The following ZNF492 variants were observed in gnomAD, a reference collection of about 807,000 sequenced individuals.
ZNF492 encodes zinc finger protein 492.
A neutral mutation model predicts 6.4 loss-of-function variants in ZNF492; 3 were observed. The observed-to-expected ratio is 0.47, with a 90% CI of 0.21 to 1.22. The LOEUF is 1.22. Ranked by LOEUF, ZNF492 falls within the 50% of genes most tolerant of loss-of-function variation. The pLI is 0.22. For synonymous variants in ZNF492, 112 were observed against 205.3 expected (o/e 0.55, Z 3.89); for missense variants, 356 against 612.5 (o/e 0.58, Z 4.42).
intron 1 of ZNF492, among the ~76,000 whole-genome samples, chr19:22,649,041 G>T (rs1337153333): frequency 6.6e-6 from 1 of 151,976 alleles, no homozygotes; most frequent in Non-Finnish European, 1.5e-5. Context: ...TGGTCTTCAT[G>T]GTGTGTTTTT....
At chr19:22,651,968 GTTTC>G (rs1235644212) in intron 1 of ZNF492, among the ~76,000 whole-genome samples, 5 of 152,094 alleles carry the variant, frequency 3.3e-5, no homozygotes, top group Non-Finnish European at 7.3e-5. Context: ...TAAAACCAGT[GTTTC>G]TTTATGATTA....
chr19:22,638,239 G>A (rs1239676155), intron 1 of ZNF492, among the ~76,000 whole-genome samples: 2 of 152,018 alleles, frequency 1.3e-5, no homozygotes, highest in East Asian at 3.9e-4. Flanking sequence ...GTCAATTACT[G>A]CTTTTGTTGC....
chr19:22,637,923 A>G (rs1159195779), intron 1 of ZNF492, among the ~76,000 whole-genome samples: 2 of 152,158 alleles, frequency 1.3e-5, no homozygotes, highest in Non-Finnish European at 2.9e-5. Context: ...TTCTCACTGG[A>G]TGAGATGATA....
chr19:22,654,002 A>G lies in ZNF492; in HGVS notation c.117A>G (p.Val39=), dbSNP rs753630569. 22 of 1,601,676 alleles carry G rather than the reference A, an allele frequency of 1.4e-5. No individual in the cohort carries two copies. In the East Asian group the frequency reaches 4.7e-4, roughly 34 times the overall value. Reference sequence around the variant, plus strand: ...GGAATGTGAAGAGACATGAGATGGTAGCTGAACCCCCAGGTAGGTGAGAGT... The same window carrying G: ...GGAATGTGAAGAGACATGAGATGGTGGCTGAACCCCCAGGTAGGTGAGAGT... ...EPWNVKRHEM[V]AEPPVVCSYF... The change falls in exon 3 of 4, where the codon GTA becomes GTG. Residue 39 remains valine, a synonymous_variant. Coordinates refer to ENST00000456783, the MANE Select transcript of ZNF492 (RefSeq NM_020855.3).
At chr19:22,641,959 A>AGGT (rs1248666937) in intron 1 of ZNF492, among the ~76,000 whole-genome samples, 2 of 151,884 alleles carry the variant, frequency 1.3e-5, no homozygotes, top group Non-Finnish European at 2.9e-5. Context: ...ATGCCCGGCT[A>AGGT]ATTTTTTGTG....
chr19:22,664,655 G>T lies in ZNF492; in HGVS notation c.986G>T (p.Arg329Ile), dbSNP rs375301915. 5 of 1,611,964 alleles carry T rather than the reference G, an allele frequency of 3.1e-6. No homozygotes were observed. The highest frequency in any genetic ancestry group is 2.7e-5 in the African/African-American group (2 of 74,632). The change falls in exon 4 of 4, where the codon AGA becomes ATA. Residue 329 changes from arginine (R) to isoleucine (I), a missense_variant. Coordinates refer to ENST00000456783, the MANE Select transcript of ZNF492 (RefSeq NM_020855.3). ...TTATCCCACCTTACTACACATAAGAGAATTCATTCTGGAGAGAAACCCTAC... is the reference window on the plus strand; with the variant it reads ...TTATCCCACCTTACTACACATAAGATAATTCATTCTGGAGAGAAACCCTAC... ...SQLSHLTTHKRIHSGEKPYKC... is the reference protein window; with the variant it reads ...SQLSHLTTHKIIHSGEKPYKC...
At chr19:22,643,425 G>T (rs184795170) in intron 1 of ZNF492, among the ~76,000 whole-genome samples, 1 of 152,336 alleles carries the variant, frequency 6.6e-6, no homozygotes, top group East Asian at 1.9e-4. Flanking sequence ...AAGTAATTGT[G>T]TTGTGACAAG....
chr19:22,657,179 A>G (rs1972004623), intron 3 of ZNF492, among the ~76,000 whole-genome samples: 1 of 152,150 alleles, frequency 6.6e-6, no homozygotes, highest in Non-Finnish European at 1.5e-5. Context: ...TAATTAGTAG[A>G]CAGACAAAAA....
chr19:22,649,874 G>A (rs2145251635), intron 1 of ZNF492, among the ~76,000 whole-genome samples: 1 of 152,088 alleles, frequency 6.6e-6, no homozygotes, highest in African/African-American at 2.4e-5. Flanking sequence ...TAGGTTTTTT[G>A]CATTTGGTTA....
rs1313849712 is a variant in ZNF492 at position 22,658,737 on chromosome 19, G to A, written c.130+4722G>A. ...ATATCTGCTGAACGATTTGGTGACC[G>A]AAATTTGCCTTGCTTTTACCTACTG... On this transcript the variant is annotated intron_variant, in intron 3 of 3. Transcript: ENST00000456783. Among the ~76,000 whole-genome samples the A allele has an allele frequency of 3.5e-4, 50 of 142,480 alleles. 1 individual carries two copies. The highest frequency in any genetic ancestry group is 1.3e-3 in the African/African-American group (44 of 34,732). The allele number at this position is 142,480 out of a possible 152,430, so 93.5% of individuals were successfully genotyped here.
intron 3 of ZNF492, among the ~76,000 whole-genome samples, chr19:22,661,493 A>G (rs73018802): frequency 0.11 from 16,985 of 152,180 alleles, 998 homozygotes; most frequent in East Asian, 0.16. Context: ...TCTGAAAACA[A>G]TTATCTTGGC....
At chr19:22,643,446 A>C (rs533170779) in intron 1 of ZNF492, among the ~76,000 whole-genome samples, 13 of 152,232 alleles carry the variant, frequency 8.5e-5, no homozygotes, top group Non-Finnish European at 7.3e-5. Context: ...AGTGCCAAGT[A>C]TAAGGGACTC....
Position 22,666,002 on chromosome 19 carries a change from A to T in ZNF492, c.*737A>T, listed in dbSNP as rs1972121738. 6.6e-6 allele frequency: 1 copy of T among 152,090 alleles called. No homozygotes were observed. The highest frequency in any genetic ancestry group is 1.5e-5 in the Non-Finnish European group (1 of 68,012). 9.4% of individuals were successfully genotyped at this position (152,090 alleles called of 1,614,324 possible). On this transcript the variant is annotated 3_prime_UTR_variant, in exon 4 of 4. Transcript: ENST00000456783. ...TTGTTTATAACTTTAAAAGAGTAGA[A>T]GATTTTTTGGAGAGTTACAAGTATA...
chr19:22,636,979 C>T lies in ZNF492; in HGVS notation c.-94+2505C>T, dbSNP rs1004355126. ...AACCTTTTTTTTTTTTTTTTTGAGA[C>T]GGAGTCTAGCTCTGTTGCCCAGGCT... is the stretch of plus-strand genomic sequence containing the variant. On this transcript the variant is annotated intron_variant, in intron 1 of 3. Coordinates refer to ENST00000456783, the MANE Select transcript of ZNF492 (RefSeq NM_020855.3). Among the ~76,000 whole-genome samples, 40 of 116,788 alleles carry T rather than the reference C, an allele frequency of 3.4e-4. 1 individual carries two copies. The highest frequency in any genetic ancestry group is 1.4e-3 in the African/African-American group (38 of 27,334). 76.6% of individuals were successfully genotyped at this position (116,788 alleles called of 152,430 possible).
At chr19:22,661,035 T>C (rs2145261208) in intron 3 of ZNF492, among the ~76,000 whole-genome samples, 1 of 152,234 alleles carries the variant, frequency 6.6e-6, no homozygotes, top group South Asian at 2.1e-4. Context: ...ACATTACTTT[T>C]ACCTTGTAGC....
At chr19:22,646,508 T>A (rs113991321) in intron 1 of ZNF492, among the ~76,000 whole-genome samples, 1 of 152,352 alleles carries the variant, frequency 6.6e-6, no homozygotes, top group Non-Finnish European at 1.5e-5. Flanking sequence ...TACTCTTTAT[T>A]TCTTTCTCTT....
intron 1 of ZNF492, among the ~76,000 whole-genome samples, chr19:22,639,698 C>T (rs549950773): frequency 8.3e-5 from 11 of 132,384 alleles, no homozygotes; most frequent in East Asian, 4.4e-4. Flanking sequence ...GCAATAAGAG[C>T]GAAACTTGGT....
chr19:22,656,738 CAG>C (rs1243831058), intron 3 of ZNF492, among the ~76,000 whole-genome samples: 3 of 152,074 alleles, frequency 2.0e-5, no homozygotes, highest in Non-Finnish European at 4.4e-5. Flanking sequence ...TAGCCAAGAA[CAG>C]GGGTCCTATA....
At chr19:22,641,913 C>A (rs1240427054) in intron 1 of ZNF492, among the ~76,000 whole-genome samples, 1 of 152,106 alleles carries the variant, frequency 6.6e-6, no homozygotes, top group African/African-American at 2.4e-5. Flanking sequence ...CCTGCCTCAG[C>A]CTCCCGAGTA....
Sources: gnomAD v4.1 joint callset for allele counts (sites outside exome capture counted in the v4.1 genomes callset) on GRCh38, gnomAD v4.1.1 for gene constraint, MANE v1.5 for transcripts, NCBI Gene and HGNC (gene_info 2026-07-23, HGNC 2026-07-21) for gene names.